The following KIAA1210 variants were observed in gnomAD, a reference collection of about 807,000 sequenced individuals.
The protein encoded by KIAA1210 is KIAA1210, also known as acrosomal protein KIAA1210.
Under a neutral mutation model 78.9 loss-of-function variants are expected in KIAA1210, and 48 were observed. The observed-to-expected ratio is 0.61, with a 90% confidence interval of 0.48 to 0.77. The LOEUF (loss-of-function observed/expected upper bound fraction) is 0.77, where lower values mean the gene tolerates loss of function less well. KIAA1210 is among the 30% of genes least tolerant of loss of function. The probability of loss-of-function intolerance (pLI) is 0.00; values close to 1 mark genes in which losing one functional copy is unlikely to be tolerated. For missense variants in KIAA1210, 1,108 were observed against 1,100.0 expected, an observed-to-expected ratio of 1.01 and a Z score of -0.10; for synonymous variants, 406 against 404.5, an observed-to-expected ratio of 1.00 and a Z score of -0.04.
intron 6 of KIAA1210, among the ~76,000 whole-genome samples, chrX:119,102,771 G>GC (rs1237948032): frequency 8.9e-6 from 1 of 111,839 alleles, no homozygotes; most frequent in African/African-American, 3.3e-5. Context: ...AATTTAATCA[G>GC]CCCAAACTTT....
At chrX:119,119,661 ATAGCCAG>A (rs1928381513) in intron 2 of KIAA1210, among the ~76,000 whole-genome samples, 1 of 111,650 alleles carries the variant, frequency 9.0e-6, no homozygotes, top group Non-Finnish European at 1.9e-5. Context: ...CCTGATCAAC[ATAGCCAG>A]ACCTCATCTG....
In KIAA1210 at chrX:119,078,965, G is replaced by A. The variant is rs1926854819; in HGVS notation, c.*2364C>T. The A allele has an allele frequency of 8.9e-6, 1 of 112,350 alleles. No individual in the cohort carries two copies. Among genetic ancestry groups the A allele is most frequent in the Non-Finnish European group, 1.9e-5 (1 of 53,287 alleles). The allele number at this position is 112,350 out of a possible 1,213,427, so 9.3% of individuals were successfully genotyped here. On this transcript the variant is annotated 3_prime_UTR_variant, in exon 12 of 12. Coordinates refer to ENST00000691062, the MANE Select transcript of KIAA1210 (RefSeq NM_001394962.1). ...TAAAAAAGGGAAGGGAGGTGTAACAGCTAATCTACCAGGAGTACCCAGATA... is the reference window on the plus strand; with the variant it reads ...TAAAAAAGGGAAGGGAGGTGTAACAACTAATCTACCAGGAGTACCCAGATA...
intron 1 of KIAA1210, among the ~76,000 whole-genome samples, chrX:119,125,737 T>TATATATATA (rs1257970746): frequency 7.0e-4 from 7 of 9,991 alleles, no homozygotes; most frequent in African/African-American, 9.3e-4. Flanking sequence ...ATATATATAT[T>TATATATATA]TTTTTTTTTT....
rs1384302624 is a variant in KIAA1210 at position 119,116,671 on chromosome X, G to A, written c.62-7C>T. ...AATTTGCATTTCTTCTTTCCTGGAAGTGAAAAATGAAAATGAGGCAGAGTG... is the reference window on the plus strand; with the variant it reads ...AATTTGCATTTCTTCTTTCCTGGAAATGAAAAATGAAAATGAGGCAGAGTG... On this transcript the variant is annotated splice_polypyrimidine_tract_variant and splice_region_variant and intron_variant, in intron 2 of 11. Transcript: ENST00000691062. 6 of 1,191,901 alleles carry A rather than the reference G, an allele frequency of 5.0e-6. No individual in the cohort carries two copies. The highest frequency in any genetic ancestry group is 5.7e-6 in the Non-Finnish European group (5 of 883,104).
intron 3 of KIAA1210, among the ~76,000 whole-genome samples, chrX:119,109,998 A>G (rs938529090): frequency 8.9e-6 from 1 of 112,070 alleles, no homozygotes; most frequent in African/African-American, 3.2e-5. Flanking sequence ...TAAAGACATG[A>G]AAGACTCCTT....
upstream of KIAA1210, among the ~76,000 whole-genome samples, chrX:119,132,089 A>G (rs1928806559): frequency 9.0e-6 from 1 of 110,859 alleles, no homozygotes; most frequent in Admixed American, 9.6e-5. Flanking sequence ...GAAATCAGGA[A>G]CCTCAGCCCT....
upstream of KIAA1210, among the ~76,000 whole-genome samples, chrX:119,132,304 T>A (rs982180780): frequency 8.1e-5 from 9 of 111,686 alleles, no homozygotes; most frequent in African/African-American, 1.6e-4. Flanking sequence ...TTTTTTGTCA[T>A]TTGTAACATA....
At chrX:119,118,616 C>T (rs993910896) in intron 2 of KIAA1210, among the ~76,000 whole-genome samples, 3 of 111,897 alleles carry the variant, frequency 2.7e-5, no homozygotes, top group Admixed American at 9.4e-5. Context: ...ATTTGTGCAC[C>T]GATTACTCCT....
At chrX:119,098,604 CA>C (rs747325732) in intron 6 of KIAA1210, among the ~76,000 whole-genome samples, 4,635 of 39,735 alleles carry the variant, frequency 0.12, 215 homozygotes, top group East Asian at 0.41. Context: ...GAGACTCCGT[CA>C]AAAAAAAAAA....
At chrX:119,095,633 C>T (rs1927528506) in intron 7 of KIAA1210, among the ~76,000 whole-genome samples, 1 of 111,972 alleles carries the variant, frequency 8.9e-6, no homozygotes, top group Non-Finnish European at 1.9e-5. Flanking sequence ...GGTGATCCGC[C>T]CGCCTTGGCC....
At chrX:119,131,804 AGTGGCTCAC>A (rs1437059627), upstream of KIAA1210, among the ~76,000 whole-genome samples, 1 of 112,370 alleles carries the variant, frequency 8.9e-6, no homozygotes, top group Non-Finnish European at 1.9e-5. Context: ...GGCAGGGCAC[AGTGGCTCAC>A]GCCTATAATC....
In KIAA1210 at chrX:119,079,574, C is replaced by G. The variant is rs938806385; in HGVS notation, c.*1755G>C. 4.5e-5 allele frequency: 5 copies of G among 111,847 alleles called. No homozygotes were observed. The highest frequency in any genetic ancestry group is 6.5e-5 in the African/African-American group (2 of 30,750). 9.2% of individuals were successfully genotyped at this position (111,847 alleles called of 1,213,427 possible). On this transcript the variant is annotated 3_prime_UTR_variant, in exon 12 of 12. Transcript: ENST00000691062. ...GGGTAAAGGTGCCTACATCTTCATC[C>G]TCAGCCGAGGAGTTATTAATGGAGG...
At position 119,088,445 on chromosome X, in the gene KIAA1210, T is replaced by C. The variant is rs1927240531; in HGVS notation, c.2257A>G (p.Thr753Ala). 8.3e-7 allele frequency: 1 copy of C among 1,211,004 alleles called. No individual in the cohort carries two copies. The highest frequency in any genetic ancestry group is 1.1e-6 in the Non-Finnish European group (1 of 895,150). The change falls in exon 9 of 12, where the codon ACC becomes GCC. Residue 753 changes from threonine (T) to alanine (A), a missense_variant. Physicochemically the swap from Thr to Ala is moderately conservative, Grantham distance 58. Around this residue, in one of 5 missense-constraint regions of KIAA1210, gnomAD observed 672 missense variants for 607.1 expected, o/e 1.11. Coordinates refer to ENST00000691062, the MANE Select transcript of KIAA1210 (RefSeq NM_001394962.1). ...TTTATAGAAGTGCCCACTGAACTGGTGGGGACTTGTTGCTGAACAGTAGGA... is the reference window on the plus strand; with the variant it reads ...TTTATAGAAGTGCCCACTGAACTGGCGGGGACTTGTTGCTGAACAGTAGGA... ...MNPTVQQQVP[T>A]SSVGTSIKQS...
intron 2 of KIAA1210, among the ~76,000 whole-genome samples, chrX:119,141,032 C>CT (rs1217579556): frequency 5.3e-5 from 6 of 112,393 alleles, no homozygotes; most frequent in Non-Finnish European, 1.1e-4. Context: ...TGTTAATATG[C>CT]TTGATGGCAA....
intron 1 of KIAA1210, among the ~76,000 whole-genome samples, chrX:119,125,549 T>C (rs1414315073): frequency 9.8e-6 from 1 of 101,613 alleles, no homozygotes; most frequent in Non-Finnish European, 2.0e-5. Context: ...AAATCAATGC[T>C]GACATTATTT....
chrX:119,108,020 G>A (rs1927943162), intron 5 of KIAA1210, among the ~76,000 whole-genome samples: 1 of 111,817 alleles, frequency 8.9e-6, no homozygotes, highest in Non-Finnish European at 1.9e-5. Context: ...TAAAGAAGTT[G>A]AGCATCTTGG....
At chrX:119,116,393 G>A in intron 3 of KIAA1210, 103 bp downstream of exon 3, 1 of 818,312 alleles carries the variant, frequency 1.2e-6, no homozygotes. Context: ...CCACAGGTGG[G>A]GACTCTTGGT....
At chrX:119,084,032 T>C (rs1461600442) in intron 10 of KIAA1210, among the ~76,000 whole-genome samples, 1 of 99,736 alleles carries the variant, frequency 1.0e-5, no homozygotes, top group Non-Finnish European at 2.0e-5. Context: ...AAAAAAGCTT[T>C]AATAAAGGTG....
intron 5 of KIAA1210, among the ~76,000 whole-genome samples, chrX:119,105,635 T>C (rs1397558811): frequency 8.9e-6 from 1 of 112,325 alleles, no homozygotes; most frequent in Non-Finnish European, 1.9e-5. Flanking sequence ...GAATCTTGAC[T>C]GTGTTAGTTG....
Sources: allele counts gnomAD v4.1 joint callset (sites outside exome capture counted in the v4.1 genomes callset), GRCh38; gene constraint gnomAD v4.1.1; regional missense constraint gnomAD v4.1.1; transcripts MANE v1.5; gene names NCBI Gene and HGNC (gene_info 2026-07-23, HGNC 2026-07-21).